DGKB: variants seen among roughly 807,000 people sequenced by gnomAD.
The protein encoded by DGKB is diacylglycerol kinase beta, also known as 90 kDa diacylglycerol kinase.
A neutral mutation model predicts 114.3 loss-of-function variants in DGKB; 67 were observed. That is an observed-to-expected ratio of 0.59 (90% confidence interval 0.48 to 0.72). The LOEUF (loss-of-function observed/expected upper bound fraction) is 0.72, where lower values mean the gene tolerates loss of function less well. DGKB is among the 30% of genes least tolerant of loss of function. The pLI, the probability that DGKB is intolerant of heterozygous loss-of-function variation, is 0.00. For synonymous variants in DGKB, 398 were observed against 323.1 expected, an observed-to-expected ratio of 1.23 and a Z score of -2.49; for missense variants, 907 against 975.2, an observed-to-expected ratio of 0.93 and a Z score of 0.93.
chr7:14,571,030 C>T (rs1056518977), intron 20 of DGKB, among the ~76,000 whole-genome samples: 1 of 152,108 alleles, frequency 6.6e-6, no homozygotes, highest in South Asian at 2.1e-4. Context: ...ACTTTACCTA[C>T]TAGTTAGCAA....
intron 23 of DGKB, among the ~76,000 whole-genome samples, chr7:14,202,759 C>A (rs1786105088): frequency 6.6e-6 from 1 of 151,940 alleles, no homozygotes; most frequent in South Asian, 2.1e-4. Flanking sequence ...AGGTACTGAT[C>A]TGTTACTGTA....
chr7:14,445,778 C>G (rs73679782), intron 21 of DGKB, among the ~76,000 whole-genome samples: 1 of 151,858 alleles, frequency 6.6e-6, no homozygotes, highest in African/African-American at 2.4e-5. Flanking sequence ...CCATTAAACA[C>G]GGGTATAAGT....
intron 14 of DGKB, among the ~76,000 whole-genome samples, chr7:14,626,089 T>C (rs748656104): frequency 1.3e-5 from 2 of 152,048 alleles, no homozygotes; most frequent in Non-Finnish European, 2.9e-5. Context: ...TTTAAATATG[T>C]GCTCTAAAAA....
chr7:14,296,045 T>G (rs552700784), intron 23 of DGKB, among the ~76,000 whole-genome samples: 8 of 151,680 alleles, frequency 5.3e-5, no homozygotes, highest in Admixed American at 2.6e-4. Flanking sequence ...CTCATTTTTT[T>G]TTTTTTTTCA....
At chr7:14,778,058 G>C (rs1838470973) in intron 2 of DGKB, among the ~76,000 whole-genome samples, 1 of 152,138 alleles carries the variant, frequency 6.6e-6, no homozygotes, top group Non-Finnish European at 1.5e-5. Context: ...TAATTAAAGA[G>C]ACATCAGTAT....
chr7:14,438,337 G>A (rs575529436), intron 21 of DGKB, among the ~76,000 whole-genome samples: 26 of 152,066 alleles, frequency 1.7e-4, no homozygotes, highest in Non-Finnish European at 3.4e-4. Flanking sequence ...TTTTAACAGT[G>A]CTACCAAGCA....
chr7:14,966,302 G>T (rs1787145537), intron 1 of DGKB, among the ~76,000 whole-genome samples: 1 of 151,934 alleles, frequency 6.6e-6, no homozygotes, highest in Admixed American at 6.6e-5. Flanking sequence ...CAACATGAAA[G>T]ACATAATAAA....
chr7:14,301,195 A>C (rs946139605), intron 23 of DGKB, among the ~76,000 whole-genome samples: 1 of 152,122 alleles, frequency 6.6e-6, no homozygotes, highest in Non-Finnish European at 1.5e-5. Context: ...CCAAAGCCTA[A>C]AATCTTGGGA....
rs200910102 is a variant in DGKB, at chr7:14,488,847, A to AC, written c.1771-10623_1771-10622insG. ...ACTCCGTCTCCAAAAAAAAACAAAA[A>AC]AAAACAAAAAAAACCCAACAACAAC... On this transcript the variant is annotated intron_variant, in intron 20 of 25. Coordinates refer to ENST00000402815, the MANE Select transcript of DGKB (RefSeq NM_001350709.2). Among the ~76,000 whole-genome samples, 18 of 99,710 alleles carry AC rather than the reference A, an allele frequency of 1.8e-4. No homozygotes were observed. The East Asian group carries it at 2.4e-3, about 13-fold the overall frequency. 65.4% of individuals were successfully genotyped at this position (99,710 alleles called of 152,430 possible). A position where few individuals can be genotyped will look rare whatever the true frequency, so the allele number is the denominator to read the frequency against.
chr7:14,406,832 A>G (rs1270538524), intron 21 of DGKB, among the ~76,000 whole-genome samples: 1 of 152,128 alleles, frequency 6.6e-6, no homozygotes, highest in African/African-American at 2.4e-5. Context: ...CTCAAGTGCT[A>G]TTGCTAGTCT....
At position 14,212,418 on chromosome 7, in the gene DGKB, G is replaced by GTTTTGTGATATTTACTCTCA. The variant is rs1562634336; in HGVS notation, c.2123-34268_2123-34267insTGAGAGTAAATATCACAAAA. ...TCTCATGTTTTGTGATTTTACTCTC[G>GTTTTGTGATATTTACTCTCA]TGTTTTGTGATATTTACTCTCATGT... is the stretch of plus-strand genomic sequence containing the variant. On this transcript the variant is annotated intron_variant, in intron 23 of 25. Transcript: ENST00000402815. Among the ~76,000 whole-genome samples the GTTTTGTGATATTTACTCTCA allele has an allele frequency of 7.1e-4, 12 of 16,844 alleles. 4 individuals are homozygous for GTTTTGTGATATTTACTCTCA. Among genetic ancestry groups the GTTTTGTGATATTTACTCTCA allele is most frequent in the East Asian group, 5.9e-3 (3 of 510 alleles). The allele number at this position is 16,844 out of a possible 152,430, so 11.1% of individuals were successfully genotyped here.
intron 23 of DGKB, among the ~76,000 whole-genome samples, chr7:14,308,184 T>C (rs543068163): frequency 4.8e-4 from 73 of 152,206 alleles, no homozygotes; most frequent in African/African-American, 1.7e-3. Context: ...GATTTCCTCA[T>C]GTAATTTCAT....
chr7:14,701,382 C>A (rs1205122032), intron 7 of DGKB, among the ~76,000 whole-genome samples: 1 of 152,242 alleles, frequency 6.6e-6, no homozygotes, highest in East Asian at 1.9e-4. Flanking sequence ...TCAACTTAAT[C>A]TTATGTTTTA....
intron 23 of DGKB, among the ~76,000 whole-genome samples, chr7:14,242,880 T>TTA (rs397766779): frequency 5.3e-5 from 8 of 151,318 alleles, no homozygotes; most frequent in Non-Finnish European, 1.2e-4. Flanking sequence ...TTTTTTTTTT[T>TTA]AAAGTATGTG....
chr7:14,409,021 A>AG (rs1824411217), intron 21 of DGKB, among the ~76,000 whole-genome samples: 1 of 152,178 alleles, frequency 6.6e-6, no homozygotes, highest in African/African-American at 2.4e-5. Flanking sequence ...ACACACGAAC[A>AG]CTTGCAAACA....
intron 23 of DGKB, among the ~76,000 whole-genome samples, chr7:14,297,547 A>T (rs1802792134): frequency 1.3e-5 from 2 of 152,180 alleles, no homozygotes; most frequent in South Asian, 4.1e-4. Context: ...TATTGATGAA[A>T]CGTATCTCAA....
intron 21 of DGKB, among the ~76,000 whole-genome samples, chr7:14,391,822 T>C (rs1821366727): frequency 6.6e-6 from 1 of 152,240 alleles, no homozygotes; most frequent in Admixed American, 6.5e-5. Flanking sequence ...AAATGCAAAA[T>C]GCTCACTGTA....
chr7:14,153,403 A>C (rs957954382), intron 25 of DGKB, among the ~76,000 whole-genome samples: 1 of 152,022 alleles, frequency 6.6e-6, no homozygotes, highest in Non-Finnish European at 1.5e-5. Context: ...TTTAAAAATA[A>C]TTTTACTTTT....
intron 9 of DGKB, among the ~76,000 whole-genome samples, chr7:14,689,730 G>A (rs17605513): frequency 6.6e-6 from 1 of 152,094 alleles, no homozygotes; most frequent in Non-Finnish European, 1.5e-5. Context: ...TTTCTACATT[G>A]AGCAAAGTAT....
Sources: allele counts gnomAD v4.1 joint callset (sites outside exome capture counted in the v4.1 genomes callset), GRCh38; gene constraint gnomAD v4.1.1; transcripts MANE v1.5; gene names NCBI Gene and HGNC (gene_info 2026-07-23, HGNC 2026-07-21).